Variants in IFT46 observed in about 807,000 individuals in gnomAD.
IFT46 encodes the protein intraflagellar transport 46.
Under a neutral mutation model 39.6 loss-of-function variants are expected in IFT46, and 19 were observed. That is an observed-to-expected ratio of 0.48 (90% CI 0.33 to 0.70). The LOEUF (loss-of-function observed/expected upper bound fraction) is 0.70, where lower values mean the gene tolerates loss of function less well. Ranked by LOEUF, IFT46 falls within the 30% of genes least tolerant of loss-of-function variation. The probability of loss-of-function intolerance (pLI) is 0.01; values close to 1 mark genes in which losing one functional copy is unlikely to be tolerated. For synonymous variants in IFT46, 117 were observed against 134.8 expected (o/e 0.87, Z 0.91); for missense variants, 334 against 364.8 (o/e 0.92, Z 0.69).
upstream of IFT46, among the ~76,000 whole-genome samples, chr11:118,568,530 C>T (rs782708870): frequency 1.1e-4 from 16 of 151,654 alleles, no homozygotes; most frequent in South Asian, 4.2e-4. Context: ...CTAGCCTGGG[C>T]GACAGAGTGA....
intron 1 of IFT46, 66 bp downstream of exon 1, chr11:118,565,724 A>G (rs1938206469): frequency 6.6e-6 from 1 of 152,668 alleles, no homozygotes; most frequent in Non-Finnish European, 1.5e-5. Flanking sequence ...GAATGGGGTA[A>G]AGGGGAGTCC....
upstream of IFT46, chr11:118,565,997 G>GC (rs1371878391): frequency 1.3e-5 from 2 of 152,148 alleles, no homozygotes; most frequent in Non-Finnish European, 2.9e-5. Flanking sequence ...AGCCTCACCC[G>GC]CGAAGGCTCT....
upstream of IFT46, among the ~76,000 whole-genome samples, chr11:118,570,957 C>T (rs1938324397): frequency 1.3e-5 from 2 of 152,160 alleles, no homozygotes; most frequent in Admixed American, 6.5e-5. Flanking sequence ...CACAGGCTGA[C>T]CTTTAACCCC....
intron 1 of IFT46, among the ~76,000 whole-genome samples, chr11:118,571,328 TTGA>T (rs1338929596): frequency 3.3e-5 from 5 of 152,370 alleles, no homozygotes; most frequent in African/African-American, 1.2e-4. Flanking sequence ...GCCACATCTA[TTGA>T]TGAATGGATT....
chr11:118,545,708 A>G (rs1411899585), intron 10 of IFT46, 85 bp downstream of exon 10: 3 of 1,409,680 alleles, frequency 2.1e-6, no homozygotes, highest in Non-Finnish European at 3.0e-6. Flanking sequence ...TCAAGATACT[A>G]TCTTCCCAGA....
upstream of IFT46, among the ~76,000 whole-genome samples, chr11:118,574,871 A>G (rs1387454023): frequency 3.9e-5 from 6 of 152,006 alleles, no homozygotes; most frequent in South Asian, 2.1e-4. Context: ...GCCTCAAGCA[A>G]TCCTCCCGCC....
At chr11:118,568,375 A>T (rs1391210593), upstream of IFT46, among the ~76,000 whole-genome samples, 8 of 151,478 alleles carry the variant, frequency 5.3e-5, no homozygotes, top group African/African-American at 1.5e-4. Flanking sequence ...ACATGGTGAA[A>T]CCCCCATCTC....
chr11:118,555,014 G>A lies in IFT46; in HGVS notation c.330C>T (p.Val110=), dbSNP rs781804734. ...CCTTTAAGAATGCATCAATATCCCC[G>A]ACAGCTGGGATAAAATCAGGAATGA... ...KPFIPDFIPA[V]GDIDAFLKVP... Residue 110 remains valine, a synonymous_variant, in exon 6 of 12, where the codon GTC becomes GTT. Coordinates refer to ENST00000264021, the MANE Select transcript of IFT46 (RefSeq NM_001168618.2). 45 of 1,613,256 alleles carry A rather than the reference G, an allele frequency of 2.8e-5. No homozygotes were observed. The highest frequency in any genetic ancestry group is 2.0e-4 in the South Asian group (18 of 91,060).
intron 2 of IFT46, among the ~76,000 whole-genome samples, chr11:118,563,250 AG>A: frequency 6.6e-6 from 1 of 152,306 alleles, no homozygotes; most frequent in East Asian, 1.9e-4. Flanking sequence ...TCATACAGAC[AG>A]TAGAATAGTG....
chr11:118,545,254 C>G (rs1330670454), intron 11 of IFT46, among the ~76,000 whole-genome samples, 155 bp downstream of exon 11: 6 of 152,112 alleles, frequency 3.9e-5, no homozygotes, highest in Admixed American at 3.9e-4. Context: ...AACTCCATCC[C>G]TGCCTCCTTT....
intron 3 of IFT46, chr11:118,557,956 T>C: frequency 7.3e-7 from 1 of 1,362,588 alleles, no homozygotes; most frequent in South Asian, 1.5e-5. Flanking sequence ...ATATACCGTA[T>C]GGCTTATACT....
At chr11:118,567,125 G>A (rs1938243899), upstream of IFT46, among the ~76,000 whole-genome samples, 1 of 151,932 alleles carries the variant, frequency 6.6e-6, no homozygotes, top group South Asian at 2.1e-4. Context: ...GTGGTGGCAC[G>A]CACCTATAGT....
At chr11:118,552,774 G>A (rs1555068742) in intron 7 of IFT46, among the ~76,000 whole-genome samples, 2 of 149,840 alleles carry the variant, frequency 1.3e-5, no homozygotes, top group Non-Finnish European at 3.0e-5. Context: ...GCCTAGGCAA[G>A]AGCGAGATCC....
At chr11:118,568,109 A>G (rs1269244444), upstream of IFT46, among the ~76,000 whole-genome samples, 1 of 152,244 alleles carries the variant, frequency 6.6e-6, no homozygotes, top group Non-Finnish European at 1.5e-5. Context: ...AGCAGCATCA[A>G]CTGGTCTTTG....
At position 118,546,114 on chromosome 11, in the gene IFT46, T is replaced by C. The variant is rs1233240181; in HGVS notation, c.673-261A>G. 1.1e-5 allele frequency: 8 copies of C among 718,356 alleles called. No homozygotes were observed. In the African/African-American group the frequency reaches 1.4e-4, roughly 13 times the overall value. 44.5% of individuals were successfully genotyped at this position (718,356 alleles called of 1,614,324 possible). Reference sequence around the variant, plus strand: ...CTTAATCCAGTATGACTGGTGTCCTTATAGGAAGAAGAAATCAGGACAAAG... The same window carrying C: ...CTTAATCCAGTATGACTGGTGTCCTCATAGGAAGAAGAAATCAGGACAAAG... On this transcript the variant is annotated intron_variant, in intron 9 of 11. Coordinates refer to ENST00000264021, the MANE Select transcript of IFT46 (RefSeq NM_001168618.2).
At position 118,554,574 on chromosome 11, in the gene IFT46, T is replaced by C; in HGVS notation, c.368A>G (p.Asp123Gly). The change falls in exon 7 of 12, where the codon GAT (aspartate) becomes GGT (glycine). Residue 123 changes from aspartate to glycine, a missense_variant. Physicochemically the swap from Asp to Gly is moderately conservative, Grantham distance 94. Coordinates refer to ENST00000264021, the MANE Select transcript of IFT46 (RefSeq NM_001168618.2). ...IDAFLKVPRP[D>G]GKPDNLGLLV... is the part of the protein sequence containing the mutation. ...TAGGCCAAGGTTGTCAGGCTTTCCA[T>C]CAGGACGTGGGACCTGGTTAAGAAA... 1 of 1,606,958 alleles carries C rather than the reference T, an allele frequency of 6.2e-7. No individual in the cohort carries two copies. The highest frequency in any genetic ancestry group is 8.5e-7 in the Non-Finnish European group (1 of 1,178,074).
At chr11:118,545,668 G>T in intron 10 of IFT46, 125 bp downstream of exon 10, 1 of 1,190,362 alleles carries the variant, frequency 8.4e-7, no homozygotes, top group Non-Finnish European at 1.2e-6. Flanking sequence ...CTGCCAAAGA[G>T]CACAACGGGC....
intron 9 of IFT46, chr11:118,546,055 A>G (rs1951676500): frequency 9.8e-6 from 7 of 713,326 alleles, no homozygotes; most frequent in Non-Finnish European, 1.8e-5. Flanking sequence ...CTTTAAAGAG[A>G]TAATTAAATT....
At chr11:118,569,062 C>T (rs1938285966), upstream of IFT46, among the ~76,000 whole-genome samples, 1 of 151,664 alleles carries the variant, frequency 6.6e-6, no homozygotes, top group African/African-American at 2.4e-5. Context: ...AGGCAGATCA[C>T]TTGAGGTTAG....
Sources: allele counts gnomAD v4.1 joint callset (sites outside exome capture counted in the v4.1 genomes callset), GRCh38; gene constraint gnomAD v4.1.1; transcripts MANE v1.5; gene names NCBI Gene and HGNC (gene_info 2026-07-23, HGNC 2026-07-21).